DIS3L2: variants seen among roughly 807,000 people sequenced by gnomAD.
The protein encoded by DIS3L2 is DIS3 like 3'-5' exoribonuclease 2, also known as DIS3-like exonuclease 2.
Under a neutral mutation model 97.5 loss-of-function variants are expected in DIS3L2, and 34 were observed. The observed-to-expected ratio is 0.35, with a 90% CI of 0.27 to 0.46. The LOEUF (loss-of-function observed/expected upper bound fraction) is 0.46, where lower values mean the gene tolerates loss of function less well. Among genes scored for constraint, DIS3L2 ranks in the 20% least tolerant of loss-of-function variants. DIS3L2 has a pLI of 1.00. For synonymous variants in DIS3L2, 435 were observed against 445.2 expected (o/e 0.98, Z 0.29); for missense variants, 1,038 against 1,146.0 (o/e 0.91, Z 1.36).
At chr2:232,324,541 CT>C (rs1695523101) in intron 14 of DIS3L2, among the ~76,000 whole-genome samples, 1 of 152,160 alleles carries the variant, frequency 6.6e-6, no homozygotes, top group South Asian at 2.1e-4. Context: ...AGGCCACTCT[CT>C]GAGTGTCCTG....
chr2:232,144,792 A>C (rs1229257458), intron 8 of DIS3L2, among the ~76,000 whole-genome samples: 1 of 152,130 alleles, frequency 6.6e-6, no homozygotes, highest in African/African-American at 2.4e-5. Flanking sequence ...TCCTTCACGA[A>C]CTTTACACTT....
intron 1 of DIS3L2, among the ~76,000 whole-genome samples, chr2:231,976,452 C>T (rs1228857712): frequency 6.6e-6 from 1 of 151,800 alleles, no homozygotes; most frequent in Non-Finnish European, 1.5e-5. Flanking sequence ...TAACGTGAAA[C>T]CTGTTTCTAC....
At chr2:232,135,610 C>T (rs1201379516) in intron 7 of DIS3L2, among the ~76,000 whole-genome samples, 1 of 152,084 alleles carries the variant, frequency 6.6e-6, no homozygotes, top group African/African-American at 2.4e-5. Context: ...GACGGGTGCC[C>T]TAAGGTGCTT....
intron 1 of DIS3L2, among the ~76,000 whole-genome samples, chr2:232,006,292 A>G (rs1694050917): frequency 1.3e-5 from 2 of 152,250 alleles, no homozygotes; most frequent in South Asian, 4.1e-4. Flanking sequence ...GAGACCTGCT[A>G]AAAAACTATT....
chr2:232,298,439 A>C (rs1694773128), intron 13 of DIS3L2, among the ~76,000 whole-genome samples: 1 of 152,226 alleles, frequency 6.6e-6, no homozygotes, highest in Admixed American at 6.5e-5. Context: ...TGCTTTTAAA[A>C]TTATGTTTTA....
intron 9 of DIS3L2, among the ~76,000 whole-genome samples, chr2:232,200,843 G>A (rs142718699): frequency 0.011 from 1,621 of 150,206 alleles, 17 homozygotes; most frequent in Non-Finnish European, 0.017. Flanking sequence ...GAGTGCAGTG[G>A]CACGATCTCA....
intron 1 of DIS3L2, among the ~76,000 whole-genome samples, chr2:232,010,493 T>A (rs901311418): frequency 6.6e-6 from 1 of 152,236 alleles, no homozygotes; most frequent in Non-Finnish European, 1.5e-5. Flanking sequence ...ATTTTTCTAA[T>A]CTCATTGAGA....
At position 232,015,547 on chromosome 2, in the gene DIS3L2, G is replaced by T. The variant is rs369080386; in HGVS notation, c.86G>T (p.Gly29Val). 1.9e-6 allele frequency: 3 copies of T among 1,614,040 alleles called. No individual in the cohort carries two copies. Among genetic ancestry groups the T allele is most frequent in the Non-Finnish European group, 2.5e-6 (3 of 1,179,952 alleles). The change falls in exon 3 of 21, where the codon GGT becomes GTT. Residue 29 changes from glycine (G) to valine (V), a missense_variant. This residue lies in a region of DIS3L2 where 813 missense variants were observed against 880.1 expected (regional missense o/e 0.92). Coordinates refer to ENST00000325385, the MANE Select transcript of DIS3L2 (RefSeq NM_152383.5). The stretch of plus-strand genomic sequence containing the variant: ...GCTGTGGCTGGTCCACATGACATTG[G>T]TGCTTCGCCAGGTGACAAAAAGTCA... ...VSAVAGPHDI[G>V]ASPGDKKSKN...
At position 232,290,447 on chromosome 2, in the gene DIS3L2, C is replaced by T. The variant is rs145518151; in HGVS notation, c.1660-9593C>T. 8.5e-3 allele frequency among the ~76,000 whole-genome samples: 1,294 copies of T among 152,148 alleles called. 23 individuals carry two copies. Among genetic ancestry groups the T allele is most frequent in the Admixed American group, 0.048 (740 of 15,282 alleles). ...CAGGTCGTGTGGGACAGTGGTGAGC[C>T]GAACTCTCCTGCCATAGACGTGCTG... On this transcript the variant is annotated intron_variant, in intron 13 of 20. Coordinates refer to ENST00000325385, the MANE Select transcript of DIS3L2 (RefSeq NM_152383.5).
At chr2:232,246,097 C>G (rs1425727597) in intron 11 of DIS3L2, among the ~76,000 whole-genome samples, 1 of 151,992 alleles carries the variant, frequency 6.6e-6, no homozygotes, top group Admixed American at 6.6e-5. Context: ...ACTCAAGGCA[C>G]CTGAAGAAGC....
intron 9 of DIS3L2, among the ~76,000 whole-genome samples, chr2:232,191,800 G>A (rs1250395538): frequency 2.0e-5 from 3 of 152,228 alleles, no homozygotes; most frequent in Non-Finnish European, 4.4e-5. Context: ...TCCTAGGATA[G>A]GAGTGTTCCC....
intron 16 of DIS3L2, 97 bp downstream of exon 16, chr2:232,330,873 G>C (rs1171439106): frequency 1.6e-6 from 2 of 1,257,474 alleles, no homozygotes; most frequent in Non-Finnish European, 2.3e-6. Context: ...CACCGTTCCT[G>C]CCTGCTCTGG....
intron 13 of DIS3L2, among the ~76,000 whole-genome samples, chr2:232,282,003 A>G (rs890906804): frequency 1.3e-5 from 2 of 152,158 alleles, no homozygotes; most frequent in Admixed American, 1.3e-4. Flanking sequence ...CGTGGCACCC[A>G]TGAAAGCCTC....
intron 8 of DIS3L2, among the ~76,000 whole-genome samples, chr2:232,158,777 A>G (rs1690571865): frequency 6.6e-6 from 1 of 152,190 alleles, no homozygotes; most frequent in African/African-American, 2.4e-5. Flanking sequence ...AACCTCAGGG[A>G]CCTGTGAGAA....
At chr2:232,248,118 A>G (rs915870026) in intron 11 of DIS3L2, among the ~76,000 whole-genome samples, 11 of 152,326 alleles carry the variant, frequency 7.2e-5, no homozygotes, top group Admixed American at 5.9e-4. Flanking sequence ...TTACTGTACT[A>G]AAGTAGAGTA....
rs370106210 is a variant in DIS3L2 at position 232,333,794 on chromosome 2, T to C, written c.2011-46T>C. 668 of 1,548,610 alleles carry C rather than the reference T, an allele frequency of 4.3e-4. 2 individuals are homozygous for C. Among genetic ancestry groups the C allele is most frequent in the South Asian group, 2.9e-3 (242 of 82,482 alleles). On this transcript the variant is annotated intron_variant, in intron 16 of 20. Coordinates refer to ENST00000325385, the MANE Select transcript of DIS3L2 (RefSeq NM_152383.5). ...GTGGTGCCAGCCTTCCAGGCCTGGCTGGGCAGCTCTGGGCTTGTCAGGCTC... is the reference window on the plus strand; with the variant it reads ...GTGGTGCCAGCCTTCCAGGCCTGGCCGGGCAGCTCTGGGCTTGTCAGGCTC...
chr2:232,034,013 C>G (rs1694884567), intron 5 of DIS3L2, among the ~76,000 whole-genome samples: 1 of 152,104 alleles, frequency 6.6e-6, no homozygotes, highest in Admixed American at 6.5e-5. Flanking sequence ...CTCTCTTTTT[C>G]TGTTGTATGG....
intron 6 of DIS3L2, among the ~76,000 whole-genome samples, chr2:232,126,444 T>C (rs1400407435): frequency 6.6e-6 from 1 of 152,234 alleles, no homozygotes; most frequent in Non-Finnish European, 1.5e-5. Flanking sequence ...TCTGTTGTAC[T>C]GCTCTGCAGA....
intron 9 of DIS3L2, among the ~76,000 whole-genome samples, chr2:232,170,814 A>G (rs1207825313): frequency 6.6e-6 from 1 of 152,186 alleles, no homozygotes; most frequent in Non-Finnish European, 1.5e-5. Context: ...AATCTTCAAG[A>G]TGGAGCTGTT....
Sources: gnomAD v4.1 joint callset for allele counts (sites outside exome capture counted in the v4.1 genomes callset) on GRCh38, gnomAD v4.1.1 for gene constraint, gnomAD v4.1.1 regional missense constraint, MANE v1.5 for transcripts, NCBI Gene and HGNC (gene_info 2026-07-23, HGNC 2026-07-21) for gene names.